Variants in DNAH6 observed in about 807,000 individuals in gnomAD.
The protein encoded by DNAH6 is dynein axonemal heavy chain 6.
A neutral mutation model predicts 491.4 loss-of-function variants in DNAH6; 340 were observed. The observed-to-expected ratio is 0.69, with a 90% CI of 0.63 to 0.76. DNAH6 has a LOEUF of 0.76. Among genes scored for constraint, DNAH6 ranks in the 30% least tolerant of loss-of-function variants. DNAH6 has a pLI of 0.00. For missense variants in DNAH6, 4,443 were observed against 4,972.2 expected, an observed-to-expected ratio of 0.89 and a Z score of 3.20; for synonymous variants, 1,603 against 1,686.1, an observed-to-expected ratio of 0.95 and a Z score of 1.21.
At chr2:84,653,934 A>AT (rs1690702313) in intron 34 of DNAH6, 60 bp downstream of exon 34, 4 of 1,385,428 alleles carry the variant, frequency 2.9e-6, no homozygotes, top group South Asian at 2.9e-5. Flanking sequence ...CTATCGTTAC[A>AT]TTTTTTTCTC....
chr2:84,742,240 A>C (rs1672588963), intron 62 of DNAH6, among the ~76,000 whole-genome samples: 1 of 151,856 alleles, frequency 6.6e-6, no homozygotes, highest in Non-Finnish European at 1.5e-5. Context: ...CACTCTATAT[A>C]TTTCTGCACT....
chr2:84,763,024 C>A, intron 64 of DNAH6, 79 bp downstream of exon 64: 1 of 1,031,922 alleles, frequency 9.7e-7, no homozygotes, highest in South Asian at 1.5e-5. Flanking sequence ...TGTTCTTCCC[C>A]TTGTAGAGCA....
intron 24 of DNAH6, 31 bp downstream of exon 24, chr2:84,619,935 G>A: frequency 6.6e-7 from 1 of 1,518,434 alleles, no homozygotes; most frequent in Non-Finnish European, 8.9e-7. Flanking sequence ...TTTCTTTATT[G>A]ATGAACTTTG....
At chr2:84,582,542 C>G (rs1023591482) in intron 14 of DNAH6, among the ~76,000 whole-genome samples, 1 of 152,222 alleles carries the variant, frequency 6.6e-6, no homozygotes, top group Non-Finnish European at 1.5e-5. Flanking sequence ...AGCTCCGCCT[C>G]CCGGGTTCAC....
chr2:84,571,961 T>G (rs1681941757), intron 11 of DNAH6, among the ~76,000 whole-genome samples: 1 of 151,786 alleles, frequency 6.6e-6, no homozygotes, highest in Admixed American at 6.6e-5. Context: ...GATGAAAAGA[T>G]GCAATACATG....
intron 18 of DNAH6, 120 bp from the exon 19 acceptor site, chr2:84,604,219 T>G (rs1423157886): frequency 1.3e-6 from 1 of 755,928 alleles, no homozygotes. Flanking sequence ...TTTTGCTCTG[T>G]GGAAAGAGGG....
chr2:84,693,357 A>G (rs1264931875), intron 45 of DNAH6, among the ~76,000 whole-genome samples: 2 of 151,662 alleles, frequency 1.3e-5, no homozygotes, highest in Non-Finnish European at 2.9e-5. Flanking sequence ...AGTTTAGTGG[A>G]TTTTCCATCT....
chr2:84,586,484 C>T (rs138926848), intron 15 of DNAH6, among the ~76,000 whole-genome samples: 380 of 152,270 alleles, frequency 2.5e-3, no homozygotes, highest in African/African-American at 8.6e-3. Context: ...AAGATTTATG[C>T]ATATTGCTAT....
At chr2:84,766,022 A>G (rs973617955) in intron 64 of DNAH6, among the ~76,000 whole-genome samples, 4 of 152,118 alleles carry the variant, frequency 2.6e-5, no homozygotes, top group Admixed American at 1.3e-4. Flanking sequence ...AAGAGACACC[A>G]ATTGTGAAAC....
the DNAH6 span, among the ~76,000 whole-genome samples, chr2:84,506,983 T>A: frequency 6.6e-6 from 1 of 152,210 alleles, no homozygotes; most frequent in African/African-American, 2.4e-5. Context: ...TGTAGTGTAG[T>A]TTGAAGTCAG....
intron 63 of DNAH6, among the ~76,000 whole-genome samples, chr2:84,745,665 C>CAA (rs34589141): frequency 8.7e-4 from 54 of 61,838 alleles, no homozygotes; most frequent in African/African-American, 1.9e-3. Flanking sequence ...GACACTGTCT[C>CAA]AAAAAAAAAA....
At chr2:84,706,831 A>T (rs1482341062) in intron 52 of DNAH6, 65 bp from the exon 53 acceptor site, 1 of 1,498,112 alleles carries the variant, frequency 6.7e-7, no homozygotes, top group African/African-American at 1.4e-5. Flanking sequence ...TTAGATCTGT[A>T]TTATTAATGG....
rs531681722 is a variant in DNAH6 at position 84,785,677 on chromosome 2, C to T, written c.11021C>T (p.Ser3674Leu). Residue 3674 changes from serine to leucine, a missense_variant, in exon 67 of 77, where the codon TCG becomes TTG. By Grantham distance (145) the Ser-to-Leu change is moderately radical. Coordinates refer to ENST00000389394, the MANE Select transcript of DNAH6 (RefSeq NM_001370.2). Reference protein sequence around the residue: ...IRRAFTEMTPSFFEENILGKK... With the variant: ...IRRAFTEMTPLFFEENILGKK... ...CGAGCATTTACTGAAATGACACCTT[C>T]GTTTTTTGAAGAAAATATACTTGGA... 95 of 1,547,856 alleles carry T rather than the reference C, an allele frequency of 6.1e-5. No individual in the cohort carries two copies. Among genetic ancestry groups the T allele is most frequent in the East Asian group, 3.2e-4 (13 of 40,778 alleles).
intron 12 of DNAH6, among the ~76,000 whole-genome samples, chr2:84,574,406 C>G (rs61136510): frequency 6.6e-6 from 1 of 152,078 alleles, no homozygotes; most frequent in Non-Finnish European, 1.5e-5. Flanking sequence ...CATCCTCCAC[C>G]GAAATAGCAA....
At chr2:84,576,457 T>C (rs1337072232) in intron 12 of DNAH6, among the ~76,000 whole-genome samples, 2 of 151,898 alleles carry the variant, frequency 1.3e-5, no homozygotes, top group African/African-American at 4.8e-5. Flanking sequence ...TGGAGGAAGA[T>C]TATGGAAGGA....
chr2:84,736,194 C>G (rs929171066), intron 62 of DNAH6, among the ~76,000 whole-genome samples: 5 of 152,062 alleles, frequency 3.3e-5, no homozygotes, highest in Non-Finnish European at 5.9e-5. Flanking sequence ...GGTCTCTATT[C>G]TGTTCCATGT....
At chr2:84,497,510 T>G in the DNAH6 span, among the ~76,000 whole-genome samples, 1 of 152,208 alleles carries the variant, frequency 6.6e-6, no homozygotes, top group Non-Finnish European at 1.5e-5. Context: ...CTATGTCCTT[T>G]ACTGGCAATT....
At chr2:84,557,305 C>T (rs1680133355) in intron 10 of DNAH6, among the ~76,000 whole-genome samples, 1 of 152,160 alleles carries the variant, frequency 6.6e-6, no homozygotes, top group Non-Finnish European at 1.5e-5. Context: ...AATACCTAGC[C>T]TGGTTGAATC....
At chr2:84,575,610 C>T (rs1040789105) in intron 12 of DNAH6, among the ~76,000 whole-genome samples, 11 of 152,182 alleles carry the variant, frequency 7.2e-5, no homozygotes, top group Admixed American at 4.6e-4. Context: ...ACTGCCTCTC[C>T]GCGGTGGCTC....
Sources: allele counts gnomAD v4.1 joint callset (sites outside exome capture counted in the v4.1 genomes callset), GRCh38; gene constraint gnomAD v4.1.1; transcripts MANE v1.5; gene names NCBI Gene and HGNC (gene_info 2026-07-23, HGNC 2026-07-21).